Variants in GABRB3 observed in about 807,000 individuals in gnomAD.
GABRB3 encodes gamma-aminobutyric acid type A receptor subunit beta3, also known as gamma-aminobutyric acid receptor subunit beta-3.
A neutral mutation model predicts 52.1 loss-of-function variants in GABRB3; 14 were observed. The observed-to-expected ratio is 0.27, with a 90% confidence interval of 0.18 to 0.42. The LOEUF is 0.42. Ranked by LOEUF, GABRB3 falls within the 10% of genes least tolerant of loss-of-function variation. GABRB3 has a pLI of 1.00. For synonymous variants in GABRB3, 260 were observed against 232.3 expected, an observed-to-expected ratio of 1.12 and a Z score of -1.08; for missense variants, 307 against 609.1, an observed-to-expected ratio of 0.50 and a Z score of 5.22.
At chr15:26,623,458 GAGAC>G (rs1366130197) in intron 3 of GABRB3, among the ~76,000 whole-genome samples, 26 of 136,600 alleles carry the variant, frequency 1.9e-4, no homozygotes, top group African/African-American at 6.2e-4. Flanking sequence ...CTAATTCCGA[GAGAC>G]GGCTAGCAAC....
intron 3 of GABRB3, among the ~76,000 whole-genome samples, chr15:26,644,567 C>A (rs1893298442): frequency 6.6e-6 from 1 of 152,214 alleles, no homozygotes; most frequent in African/African-American, 2.4e-5. Context: ...TCAGAAGGAG[C>A]CAACCCTGCT....
At chr15:26,641,004 G>A (rs1024915655) in intron 3 of GABRB3, among the ~76,000 whole-genome samples, 9 of 152,152 alleles carry the variant, frequency 5.9e-5, no homozygotes, top group Admixed American at 5.2e-4. Flanking sequence ...CGCTTAAAAT[G>A]TACAGGATGT....
At chr15:26,739,155 G>A (rs1158458147) in intron 3 of GABRB3, among the ~76,000 whole-genome samples, 1 of 152,060 alleles carries the variant, frequency 6.6e-6, no homozygotes, top group African/African-American at 2.4e-5. Flanking sequence ...CTGGGAGGCG[G>A]ATAGGGCACC....
At chr15:26,734,662 G>C (rs893395278) in intron 3 of GABRB3, among the ~76,000 whole-genome samples, 19 of 147,608 alleles carry the variant, frequency 1.3e-4, no homozygotes, top group Non-Finnish European at 2.2e-4. Context: ...AAAAAGCCTG[G>C]TGTAGTGGCT....
chr15:26,695,860 C>T (rs932056976), intron 3 of GABRB3, among the ~76,000 whole-genome samples: 2 of 152,172 alleles, frequency 1.3e-5, no homozygotes, highest in African/African-American at 4.8e-5. Flanking sequence ...GAGGCTTTTC[C>T]TTGATACTGA....
rs1249051038 is a variant in GABRB3 at position 26,737,634 on chromosome 15, TGTGC to T, written c.240+34764_240+34767del. Among the ~76,000 whole-genome samples the T allele has an allele frequency of 5.9e-5, 9 of 152,262 alleles. No individual in the cohort carries two copies. The South Asian group carries it at 1.2e-3, about 21-fold the overall frequency. On this transcript the variant is annotated intron_variant, in intron 3 of 8. Coordinates refer to ENST00000311550, the MANE Select transcript of GABRB3 (RefSeq NM_000814.6). Reference sequence around the variant, plus strand: ...TTACTACAATGTGTGTGTGTGTGTGTGTGCGTGTGTACAAAAGGGGATAATGGGG... The same window carrying T: ...TTACTACAATGTGTGTGTGTGTGTGTGTGTGTACAAAAGGGGATAATGGGG...
chr15:26,619,581 G>C (rs1487968537), intron 4 of GABRB3, among the ~76,000 whole-genome samples: 3 of 151,248 alleles, frequency 2.0e-5, no homozygotes, highest in Non-Finnish European at 4.4e-5. Flanking sequence ...TGACGAGTTA[G>C]TGGGTGCAGC....
intron 3 of GABRB3, among the ~76,000 whole-genome samples, chr15:26,672,558 A>G (rs1479195719): frequency 6.6e-6 from 1 of 152,166 alleles, no homozygotes; most frequent in Non-Finnish European, 1.5e-5. Context: ...TTTAGCAGTA[A>G]TAAGTTAGTA....
intron 3 of GABRB3, among the ~76,000 whole-genome samples, chr15:26,653,648 T>C (rs1887269820): frequency 6.6e-6 from 1 of 152,182 alleles, no homozygotes; most frequent in Non-Finnish European, 1.5e-5. Flanking sequence ...TTCCTCTATC[T>C]TGATATATTG....
chr15:26,671,959 C>T (rs931233997), intron 3 of GABRB3, among the ~76,000 whole-genome samples: 2 of 151,976 alleles, frequency 1.3e-5, no homozygotes, highest in African/African-American at 4.8e-5. Context: ...TTTGCTAATT[C>T]ACTTTGATAT....
chr15:26,627,406 G>A (rs1245702013), intron 3 of GABRB3, among the ~76,000 whole-genome samples: 1 of 65,568 alleles, frequency 1.5e-5, no homozygotes, highest in Non-Finnish European at 4.2e-5. Flanking sequence ...CAAGGCTGTA[G>A]CTGCCATAGA....
intron 3 of GABRB3, among the ~76,000 whole-genome samples, chr15:26,704,349 T>C (rs1401373790): frequency 6.6e-6 from 1 of 152,158 alleles, no homozygotes; most frequent in Non-Finnish European, 1.5e-5. Flanking sequence ...GCATTTGGAG[T>C]CTGCCATGGG....
chr15:26,591,317 G>T (rs1481890012), intron 4 of GABRB3, among the ~76,000 whole-genome samples: 1 of 152,158 alleles, frequency 6.6e-6, no homozygotes, highest in African/African-American at 2.4e-5. Context: ...GCTACGTAGG[G>T]ATCACAACCT....
chr15:26,549,032 C>T (rs1393176094), intron 8 of GABRB3, among the ~76,000 whole-genome samples: 1 of 152,206 alleles, frequency 6.6e-6, no homozygotes, highest in African/African-American at 2.4e-5. Context: ...TTCCCTATCT[C>T]TCTTCCCTTT....
chr15:26,738,281 C>T (rs1473423335), intron 3 of GABRB3, among the ~76,000 whole-genome samples: 2 of 152,132 alleles, frequency 1.3e-5, no homozygotes, highest in Non-Finnish European at 2.9e-5. Context: ...CGGGGTTTCA[C>T]AATGTTGGCC....
At chr15:26,773,720 C>T (rs1223914268), upstream of GABRB3, 14 of 1,566,546 alleles carry the variant, frequency 8.9e-6, no homozygotes, top group East Asian at 1.7e-4. Flanking sequence ...GAGCCCGGAG[C>T]ACATGGCGCT....
intron 4 of GABRB3, among the ~76,000 whole-genome samples, chr15:26,596,225 C>A (rs1294241874): frequency 6.6e-6 from 1 of 151,940 alleles, no homozygotes; most frequent in African/African-American, 2.4e-5. Flanking sequence ...AAAGTCAAAG[C>A]CTAGTTCTTT....
chr15:26,713,170 G>A (rs921786611), intron 3 of GABRB3, among the ~76,000 whole-genome samples: 7 of 152,208 alleles, frequency 4.6e-5, no homozygotes, highest in African/African-American at 1.4e-4. Flanking sequence ...ACCAGGTGGC[G>A]CTCAGCTCCT....
chr15:26,751,347 G>T (rs1171808395), intron 3 of GABRB3, among the ~76,000 whole-genome samples: 3 of 152,132 alleles, frequency 2.0e-5, no homozygotes, highest in Admixed American at 2.0e-4. Flanking sequence ...GAGATGCTCA[G>T]GAATGTGTCC....
Sources: allele counts gnomAD v4.1 joint callset (sites outside exome capture counted in the v4.1 genomes callset), GRCh38; gene constraint gnomAD v4.1.1; transcripts MANE v1.5; gene names NCBI Gene and HGNC (gene_info 2026-07-23, HGNC 2026-07-21).